The following VTA1 variants were observed in gnomAD, a reference collection of about 807,000 sequenced individuals.
VTA1 encodes the protein vacuolar protein sorting-associated protein VTA1 homolog.
In VTA1, 24 loss-of-function variants were observed where a neutral mutation model predicts 36.9. The ratio of observed to expected loss-of-function variants is 0.65; its 90% CI spans 0.47 to 0.91. The LOEUF (loss-of-function observed/expected upper bound fraction) is 0.91, where lower values mean the gene tolerates loss of function less well. Ranked by LOEUF, VTA1 falls within the 40% of genes least tolerant of loss-of-function variation. The probability of loss-of-function intolerance (pLI) is 0.00; values close to 1 mark genes in which losing one functional copy is unlikely to be tolerated. For missense variants in VTA1, 393 were observed against 377.2 expected, an observed-to-expected ratio of 1.04 and a Z score of -0.35; for synonymous variants, 142 against 130.2, an observed-to-expected ratio of 1.09 and a Z score of -0.62.
Position 142,221,926 on chromosome 6 carries a change from G to C in VTA1, c.*3283G>C, listed in dbSNP as rs1254348487. ...GCGGAGGTTGCAGTGAGCCGAGATC[G>C]TGCCACTGCACTCCAGCCTGGGCGA... On this transcript the variant is annotated 3_prime_UTR_variant, in exon 8 of 8. Coordinates refer to ENST00000367630, the MANE Select transcript of VTA1 (RefSeq NM_016485.5). 6.6e-6 allele frequency: 1 copy of C among 151,042 alleles called. No homozygotes were observed. The highest frequency in any genetic ancestry group is 6.6e-5 in the Admixed American group (1 of 15,098). The allele number at this position is 151,042 out of a possible 1,614,324, so 9.4% of individuals were successfully genotyped here.
intron 6 of VTA1, among the ~76,000 whole-genome samples, chr6:142,200,892 G>A (rs1226859105): frequency 6.6e-6 from 1 of 151,800 alleles, no homozygotes; most frequent in East Asian, 1.9e-4. Flanking sequence ...GATTATCATG[G>A]CTAATTTCCA....
intron 4 of VTA1, among the ~76,000 whole-genome samples, chr6:142,181,719 C>A (rs77467647): frequency 0.015 from 2,337 of 151,704 alleles, 27 homozygotes; most frequent in Non-Finnish European, 0.025. Context: ...TTACTTGGAA[C>A]ATATATTCCA....
At chr6:142,152,932 G>T (rs1236531851) in intron 1 of VTA1, among the ~76,000 whole-genome samples, 1 of 151,984 alleles carries the variant, frequency 6.6e-6, no homozygotes, top group Non-Finnish European at 1.5e-5. Context: ...GAATCCTTCT[G>T]CATTCCTATT....
At chr6:142,151,128 G>T (rs1778560475) in intron 1 of VTA1, among the ~76,000 whole-genome samples, 2 of 152,144 alleles carry the variant, frequency 1.3e-5, no homozygotes, top group African/African-American at 2.4e-5. Flanking sequence ...AGCAGCCATT[G>T]TTAGGTCATC....
chr6:142,175,399 G>A (rs1009335026), intron 4 of VTA1, among the ~76,000 whole-genome samples: 3 of 151,734 alleles, frequency 2.0e-5, no homozygotes, highest in African/African-American at 7.3e-5. Context: ...TTCACCTTTG[G>A]AAATGTGTTT....
chr6:142,210,257 A>G (rs1775876462), intron 7 of VTA1, among the ~76,000 whole-genome samples: 1 of 152,214 alleles, frequency 6.6e-6, no homozygotes, highest in Non-Finnish European at 1.5e-5. Flanking sequence ...ATCCTACACA[A>G]AAATCAAGTC....
In VTA1 at chr6:142,167,519, G is replaced by C. The variant is rs115374310; in HGVS notation, c.207+1197G>C. 6.3e-3 allele frequency among the ~76,000 whole-genome samples: 952 copies of C among 152,286 alleles called. 12 individuals are homozygous for C. Among genetic ancestry groups the C allele is most frequent in the African/African-American group, 0.021 (887 of 41,562 alleles). On this transcript the variant is annotated intron_variant, in intron 2 of 7. Transcript: ENST00000367630. ...TAAAAACCAAAATGAAAACACACTAGTCAGCCCAGAGCTTTTTATTGTTTT... is the reference window on the plus strand; with the variant it reads ...TAAAAACCAAAATGAAAACACACTACTCAGCCCAGAGCTTTTTATTGTTTT...
chr6:142,165,013 A>G (rs1774887319), intron 1 of VTA1, among the ~76,000 whole-genome samples: 1 of 152,212 alleles, frequency 6.6e-6, no homozygotes, highest in Non-Finnish European at 1.5e-5. Flanking sequence ...TACTTCATAC[A>G]GTATAAAGAA....
chr6:142,210,371 A>G (rs1479015207), intron 7 of VTA1, among the ~76,000 whole-genome samples: 3 of 152,190 alleles, frequency 2.0e-5, no homozygotes, highest in Non-Finnish European at 1.5e-5. Context: ...CTATGCAAAG[A>G]TTTTTTTGTG....
intron 5 of VTA1, among the ~76,000 whole-genome samples, chr6:142,196,253 G>A (rs747510953): frequency 5.3e-5 from 8 of 152,062 alleles, no homozygotes; most frequent in South Asian, 2.1e-4. Flanking sequence ...TTGTGTTAAC[G>A]TTTTAATCCT....
chr6:142,212,294 T>C (rs1193486276), intron 7 of VTA1, among the ~76,000 whole-genome samples: 1 of 152,120 alleles, frequency 6.6e-6, no homozygotes, highest in Non-Finnish European at 1.5e-5. Flanking sequence ...AATGGATAAA[T>C]AAACTGCAGT....
chr6:142,149,210 G>GC lies in VTA1; in HGVS notation c.112+1814dup, dbSNP rs534649220. 3.9e-3 allele frequency among the ~76,000 whole-genome samples: 592 copies of GC among 152,226 alleles called. 1 individual carries two copies. The highest frequency in any genetic ancestry group is 0.014 in the African/African-American group (568 of 41,530). Reference sequence around the variant, plus strand: ...CGCCTTTATCTTGTAGAGCCTTTCAGCCCATGCAGTCTGGTTTTCATGCCC... The same window carrying GC: ...CGCCTTTATCTTGTAGAGCCTTTCAGCCCCATGCAGTCTGGTTTTCATGCCC... On this transcript the variant is annotated intron_variant, in intron 1 of 7. Coordinates refer to ENST00000367630, the MANE Select transcript of VTA1 (RefSeq NM_016485.5).
At position 142,169,682 on chromosome 6, in the gene VTA1, G is replaced by A. The variant is rs998714965; in HGVS notation, c.335+5G>A. On this transcript the variant is annotated splice_donor_5th_base_variant and intron_variant, in intron 3 of 7. Coordinates refer to ENST00000367630, the MANE Select transcript of VTA1 (RefSeq NM_016485.5). ...TCGTGCTGGACGATTTCACAAGTAA[G>A]TAAAGAGAAAAATAAAAATTATTTT... 3.9e-6 allele frequency: 6 copies of A among 1,546,372 alleles called. No homozygotes were observed. The highest frequency in any genetic ancestry group is 5.2e-6 in the Non-Finnish European group (6 of 1,156,716).
intron 4 of VTA1, among the ~76,000 whole-genome samples, chr6:142,180,566 T>C (rs1461197485): frequency 6.6e-6 from 1 of 152,182 alleles, no homozygotes; most frequent in Non-Finnish European, 1.5e-5. Flanking sequence ...AAAAGAAGTA[T>C]ATTTACATGT....
chr6:142,192,668 T>TA (rs1775476887), intron 5 of VTA1, among the ~76,000 whole-genome samples: 1 of 150,372 alleles, frequency 6.7e-6, no homozygotes, highest in South Asian at 2.1e-4. Context: ...CTACCACACA[T>TA]AAAAAACAAA....
At chr6:142,196,778 A>G (rs889522447) in intron 5 of VTA1, among the ~76,000 whole-genome samples, 1 of 151,288 alleles carries the variant, frequency 6.6e-6, no homozygotes, top group African/African-American at 2.4e-5. Flanking sequence ...AATAATTTCT[A>G]TTTGTTGATA....
intron 5 of VTA1, among the ~76,000 whole-genome samples, chr6:142,196,995 A>G (rs922530851): frequency 1.3e-5 from 2 of 152,048 alleles, no homozygotes; most frequent in African/African-American, 2.4e-5. Context: ...CAAACATTTC[A>G]TGGCTCACTT....
intron 7 of VTA1, among the ~76,000 whole-genome samples, chr6:142,217,511 C>T (rs1461211489): frequency 6.6e-6 from 1 of 151,368 alleles, no homozygotes; most frequent in Non-Finnish European, 1.5e-5. Context: ...AAATCTTTGC[C>T]TAGGTGATGT....
chr6:142,181,094 A>AAATATATATATATATATATAT (rs1471429927), intron 4 of VTA1, among the ~76,000 whole-genome samples: 50 of 36,418 alleles, frequency 1.4e-3, no homozygotes, highest in Non-Finnish European at 2.1e-3. Flanking sequence ...AAAAAAAAAA[A>AAATATATATATATATATATAT]ATATATATAT....
Sources: gnomAD v4.1 joint callset for allele counts (sites outside exome capture counted in the v4.1 genomes callset) on GRCh38, gnomAD v4.1.1 for gene constraint, MANE v1.5 for transcripts, NCBI Gene and HGNC (gene_info 2026-07-23, HGNC 2026-07-21) for gene names.